Variants in ARMC3 observed in about 807,000 individuals in gnomAD.
The protein encoded by ARMC3 is armadillo repeat containing 3.
A neutral mutation model predicts 90.3 loss-of-function variants in ARMC3; 74 were observed. The ratio of observed to expected loss-of-function variants is 0.82; its 90% CI spans 0.68 to 0.99. The LOEUF (loss-of-function observed/expected upper bound fraction) is 0.99. ARMC3 is among the 50% of genes least tolerant of loss of function. ARMC3 has a pLI of 0.00. For missense variants in ARMC3, 958 were observed against 1,042.8 expected (o/e 0.92, Z 1.12); for synonymous variants, 334 against 361.8 (o/e 0.92, Z 0.87).
chr10:22,956,034 G>A (rs1834925832), intron 4 of ARMC3, 102 bp downstream of exon 4: 1 of 1,139,834 alleles, frequency 8.8e-7, no homozygotes, highest in Non-Finnish European at 1.2e-6. Flanking sequence ...TATTTAAACT[G>A]ACTTTCATGT....
intron 10 of ARMC3, among the ~76,000 whole-genome samples, chr10:22,984,808 T>G (rs1836341653): frequency 6.6e-6 from 1 of 152,036 alleles, no homozygotes; most frequent in South Asian, 2.1e-4. Context: ...ACTTTTTTAA[T>G]CCAAAAAAAC....
chr10:22,991,307 C>A (rs1194991554), intron 10 of ARMC3, among the ~76,000 whole-genome samples: 1 of 152,136 alleles, frequency 6.6e-6, no homozygotes, highest in Non-Finnish European at 1.5e-5. Context: ...TAAGAGATTA[C>A]CCCCTAGCCA....
chr10:22,942,664 T>C (rs1300824695), intron 2 of ARMC3, among the ~76,000 whole-genome samples: 1 of 152,178 alleles, frequency 6.6e-6, no homozygotes, highest in Non-Finnish European at 1.5e-5. Context: ...AAAACCACTT[T>C]GGAAAACTGT....
At chr10:23,004,636 G>T (rs1837485371) in intron 13 of ARMC3, among the ~76,000 whole-genome samples, 1 of 152,116 alleles carries the variant, frequency 6.6e-6, no homozygotes, top group Non-Finnish European at 1.5e-5. Context: ...GACCAATTTG[G>T]TTCCAAGAAG....
chr10:22,955,935 A>G lies in ARMC3; in HGVS notation c.292+3A>G, dbSNP rs1022746856. 6.3e-7 allele frequency: 1 copy of G among 1,591,824 alleles called. No homozygotes were observed. On this transcript the variant is annotated splice_donor_region_variant and intron_variant, in intron 4 of 18. Coordinates refer to ENST00000298032, the MANE Select transcript of ARMC3 (RefSeq NM_173081.5). ...ATTTGGAATCCTGGCTTCTAATAGT[A>G]AGTATCAACTTTTAAAAATAATCAA...
chr10:22,974,640 G>T (rs7894805), intron 8 of ARMC3, among the ~76,000 whole-genome samples: 32,544 of 143,260 alleles, frequency 0.23, 4,035 homozygotes, highest in East Asian at 0.37. Flanking sequence ...GTTTTTTTTT[G>T]TTTGTTTGTT....
chr10:23,019,738 T>G (rs1401370457), intron 16 of ARMC3, among the ~76,000 whole-genome samples: 1 of 152,134 alleles, frequency 6.6e-6, no homozygotes, highest in Non-Finnish European at 1.5e-5. Context: ...TTTTGTAAGG[T>G]TTCGCCATGT....
In ARMC3 at chr10:22,996,620, G is replaced by A. The variant is rs1203713288; in HGVS notation, c.1176-1528G>A. ...AAGCCAGGGTGGGAGGTGGTCCTGCGAGGGTGACACCAACTGAGCCCTTCA... is the reference window on the plus strand; with the variant it reads ...AAGCCAGGGTGGGAGGTGGTCCTGCAAGGGTGACACCAACTGAGCCCTTCA... On this transcript the variant is annotated intron_variant, in intron 10 of 18. Transcript: ENST00000298032. 2.6e-5 allele frequency among the ~76,000 whole-genome samples: 4 copies of A among 152,270 alleles called. No homozygotes were observed. The East Asian group carries it at 5.8e-4, about 22-fold the overall frequency.
At chr10:23,003,523 T>A (rs1473545268) in intron 13 of ARMC3, 109 bp downstream of exon 13, 10 of 984,238 alleles carry the variant, frequency 1.0e-5, no homozygotes, top group Non-Finnish European at 1.4e-5. Flanking sequence ...TTTATATTTT[T>A]ACAGGCAGAA....
At position 23,021,715 on chromosome 10, in the gene ARMC3, T is replaced by C. The variant is rs369103324; in HGVS notation, c.2046-8881T>C. 3.9e-4 allele frequency among the ~76,000 whole-genome samples: 59 copies of C among 152,348 alleles called. 1 individual carries two copies. The South Asian group carries it at 8.9e-3, about 23-fold the overall frequency. On this transcript the variant is annotated intron_variant, in intron 16 of 18. Coordinates refer to ENST00000298032, the MANE Select transcript of ARMC3 (RefSeq NM_173081.5). ...GTTTAAGTTCTGTATATATTCTGGA[T>C]ATTTGTAGACCTTTGTTGGATACAT...
chr10:22,994,971 A>G (rs1289688594), intron 10 of ARMC3, among the ~76,000 whole-genome samples: 1 of 152,268 alleles, frequency 6.6e-6, no homozygotes, highest in South Asian at 2.1e-4. Context: ...TTAAACTCCA[A>G]CTGGATGGAG....
chr10:23,037,134 C>A, intron 18 of ARMC3, 136 bp from the exon 19 acceptor site: 1 of 761,658 alleles, frequency 1.3e-6, no homozygotes, highest in Non-Finnish European at 2.0e-6. Flanking sequence ...TAGTCCACAT[C>A]TTTCAGCCTC....
At chr10:23,022,958 A>C (rs1838571567) in intron 16 of ARMC3, among the ~76,000 whole-genome samples, 1 of 152,026 alleles carries the variant, frequency 6.6e-6, no homozygotes, top group Non-Finnish European at 1.5e-5. Context: ...GAGGGACCTA[A>C]GCACAATAAG....
chr10:22,962,079 G>A lies in ARMC3; in HGVS notation c.732+1G>A, dbSNP rs1835223308. On this transcript the variant is annotated splice_donor_variant, in intron 7 of 18. Transcript: ENST00000298032. LOFTEE classifies it high-confidence loss of function. ...TCTTATTAAGATCCTAGAAACTAAG[G>A]TATTTAGTTTCATTCATTCCACCCT... The A allele has an allele frequency of 1.3e-6, 2 of 1,538,374 alleles. No individual in the cohort carries two copies. The highest frequency in any genetic ancestry group is 1.3e-5 in the South Asian group (1 of 79,504).
At chr10:22,929,739 CAG>C (rs1270727948) in intron 1 of ARMC3, among the ~76,000 whole-genome samples, 2 of 152,188 alleles carry the variant, frequency 1.3e-5, no homozygotes, top group Admixed American at 6.5e-5. Flanking sequence ...TTAGTAGAGA[CAG>C]AGTTTTGCCA....
At chr10:23,030,960 AT>A in intron 17 of ARMC3, 164 bp downstream of exon 17, 1 of 741,254 alleles carries the variant, frequency 1.3e-6, no homozygotes, top group Non-Finnish European at 2.1e-6. Flanking sequence ...CTCAACTTCT[AT>A]TTAGGTCATA....
chr10:22,940,666 TGTAGAGACA>T (rs1340501702), intron 2 of ARMC3, among the ~76,000 whole-genome samples: 1 of 152,114 alleles, frequency 6.6e-6, no homozygotes, highest in East Asian at 1.9e-4. Context: ...TTTCACTTTT[TGTAGAGACA>T]GGGTCTCACT....
intron 4 of ARMC3, among the ~76,000 whole-genome samples, chr10:22,958,474 C>T (rs183624016): frequency 6.6e-6 from 1 of 152,106 alleles, no homozygotes; most frequent in Admixed American, 6.5e-5. Context: ...GGCACAGTGA[C>T]TCAACTCTTC....
chr10:23,023,314 T>C (rs2131543342), intron 16 of ARMC3, among the ~76,000 whole-genome samples: 1 of 152,272 alleles, frequency 6.6e-6, no homozygotes, highest in East Asian at 1.9e-4. Flanking sequence ...AACGTGTCAT[T>C]GGAATCACTG....
Sources: gnomAD v4.1 joint callset for allele counts (sites outside exome capture counted in the v4.1 genomes callset) on GRCh38, gnomAD v4.1.1 for gene constraint, MANE v1.5 for transcripts, NCBI Gene and HGNC (gene_info 2026-07-23, HGNC 2026-07-21) for gene names.